The following ARHGAP24 variants were observed in gnomAD, a reference collection of about 807,000 sequenced individuals.
ARHGAP24 encodes Rho GTPase activating protein 24.
In ARHGAP24, 50 loss-of-function variants were observed where a neutral mutation model predicts 76.4. That is an observed-to-expected ratio of 0.65 (90% CI 0.52 to 0.83). The LOEUF is 0.83. ARHGAP24 is among the 40% of genes least tolerant of loss of function. The pLI, the probability that ARHGAP24 is intolerant of heterozygous loss-of-function variation, is 0.00. For synonymous variants in ARHGAP24, 345 were observed against 323.3 expected, an observed-to-expected ratio of 1.07 and a Z score of -0.72; for missense variants, 930 against 914.2, an observed-to-expected ratio of 1.02 and a Z score of -0.22.
At chr4:85,723,042 C>A (rs1266586457) in intron 3 of ARHGAP24, among the ~76,000 whole-genome samples, 1 of 152,140 alleles carries the variant, frequency 6.6e-6, no homozygotes, top group East Asian at 1.9e-4. Context: ...TTATTTGTTT[C>A]CCTCCAGGGA....
intron 1 of ARHGAP24, among the ~76,000 whole-genome samples, chr4:85,515,169 G>A (rs1269495025): frequency 6.6e-6 from 1 of 152,078 alleles, no homozygotes; most frequent in African/African-American, 2.4e-5. Flanking sequence ...CTGCATGCAT[G>A]GGCAAAGTAT....
intron 3 of ARHGAP24, among the ~76,000 whole-genome samples, chr4:85,740,283 G>A (rs1366880355): frequency 9.9e-5 from 15 of 150,934 alleles, no homozygotes; most frequent in Admixed American, 9.2e-4. Context: ...GCTGGAGTGC[G>A]GTGATCTCGG....
At chr4:85,731,537 G>A (rs930289796) in intron 3 of ARHGAP24, among the ~76,000 whole-genome samples, 15 of 152,198 alleles carry the variant, frequency 9.9e-5, no homozygotes, top group African/African-American at 3.4e-4. Context: ...CTAGGTCTGA[G>A]TTATTTAACT....
chr4:85,886,891 A>C (rs977528601), intron 3 of ARHGAP24, among the ~76,000 whole-genome samples: 1 of 152,122 alleles, frequency 6.6e-6, no homozygotes, highest in Non-Finnish European at 1.5e-5. Flanking sequence ...TATGCATAGA[A>C]TTTCTTGTTG....
chr4:85,543,335 C>G (rs918089345), intron 1 of ARHGAP24, among the ~76,000 whole-genome samples: 5 of 152,134 alleles, frequency 3.3e-5, no homozygotes, highest in African/African-American at 1.2e-4. Flanking sequence ...AGCTCTAAAA[C>G]TGGGAAGAAC....
At chr4:85,809,947 C>A (rs1210357330) in intron 3 of ARHGAP24, among the ~76,000 whole-genome samples, 2 of 152,186 alleles carry the variant, frequency 1.3e-5, no homozygotes, top group Non-Finnish European at 2.9e-5. Context: ...ACCTACCCAG[C>A]ATGTAATTGA....
intron 3 of ARHGAP24, among the ~76,000 whole-genome samples, chr4:85,786,971 C>G (rs1246045273): frequency 1.3e-5 from 2 of 152,172 alleles, no homozygotes; most frequent in African/African-American, 2.4e-5. Context: ...TCTTACTAAC[C>G]AGTCCATTCA....
intron 3 of ARHGAP24, among the ~76,000 whole-genome samples, chr4:85,728,139 A>T (rs1470757091): frequency 6.6e-6 from 1 of 150,818 alleles, no homozygotes; most frequent in Non-Finnish European, 1.5e-5. Context: ...TTCCATTCTA[A>T]TTATTTTTTC....
intron 3 of ARHGAP24, among the ~76,000 whole-genome samples, chr4:85,832,193 G>A (rs1230752836): frequency 6.6e-6 from 1 of 152,182 alleles, no homozygotes; most frequent in Non-Finnish European, 1.5e-5. Context: ...AAGGCAGGGT[G>A]AGAAGGCTTG....
intron 1 of ARHGAP24, among the ~76,000 whole-genome samples, chr4:85,497,576 A>G (rs992391394): frequency 9.2e-5 from 14 of 152,060 alleles, no homozygotes; most frequent in African/African-American, 3.4e-4. Flanking sequence ...AATTCCAGCA[A>G]TTTGGGAGGC....
intron 3 of ARHGAP24, among the ~76,000 whole-genome samples, chr4:85,908,445 G>T (rs751968980): frequency 6.6e-6 from 1 of 152,130 alleles, no homozygotes; most frequent in Non-Finnish European, 1.5e-5. Context: ...TAAACTAGTT[G>T]TAAGTTATTA....
intron 1 of ARHGAP24, among the ~76,000 whole-genome samples, chr4:85,509,331 A>C (rs1724188808): frequency 6.6e-6 from 1 of 151,932 alleles, no homozygotes; most frequent in Non-Finnish European, 1.5e-5. Context: ...TGTACCCTAA[A>C]ACTTAAAGTA....
intron 2 of ARHGAP24, among the ~76,000 whole-genome samples, chr4:85,644,436 A>G (rs902091361): frequency 6.6e-6 from 1 of 152,172 alleles, no homozygotes; most frequent in East Asian, 1.9e-4. Flanking sequence ...GTAATACCAT[A>G]TTACATCTAA....
At chr4:85,969,244 T>C (rs1738816589) in intron 5 of ARHGAP24, among the ~76,000 whole-genome samples, 1 of 152,146 alleles carries the variant, frequency 6.6e-6, no homozygotes, top group Admixed American at 6.6e-5. Flanking sequence ...AGCAAAACAG[T>C]AAAGTGCTAA....
Position 86,001,756 on chromosome 4 carries a change from G to T in ARHGAP24, c.*1034G>T, listed in dbSNP as rs896435900. 1 of 239,694 alleles carries T rather than the reference G, an allele frequency of 4.2e-6. No individual in the cohort carries two copies. Among genetic ancestry groups the T allele is most frequent in the Admixed American group, 5.6e-5 (1 of 17,936 alleles). 14.8% of individuals were successfully genotyped at this position (239,694 alleles called of 1,614,324 possible). A position where few individuals can be genotyped will look rare whatever the true frequency, so the allele number is the denominator to read the frequency against. On this transcript the variant is annotated 3_prime_UTR_variant, in exon 10 of 10. Coordinates refer to ENST00000395184, the MANE Select transcript of ARHGAP24 (RefSeq NM_001025616.3). ...AAACTGCTAGAGTATATGTCACGTA[G>T]TGACATTTTTTTCTCACTCAGGCTA... is the stretch of plus-strand genomic sequence containing the variant.
At chr4:85,988,065 A>G (rs1035022553) in intron 8 of ARHGAP24, among the ~76,000 whole-genome samples, 8 of 151,922 alleles carry the variant, frequency 5.3e-5, no homozygotes, top group Non-Finnish European at 1.0e-4. Context: ...TTCTATGTCC[A>G]GTGAATATAT....
At chr4:85,979,174 G>T (rs1358565778) in intron 8 of ARHGAP24, among the ~76,000 whole-genome samples, 3 of 152,074 alleles carry the variant, frequency 2.0e-5, no homozygotes, top group Admixed American at 1.3e-4. Context: ...CGTGACCTTT[G>T]ATTGTGTTGT....
intron 1 of ARHGAP24, among the ~76,000 whole-genome samples, chr4:85,550,406 T>C (rs1010354100): frequency 2.6e-5 from 4 of 152,206 alleles, no homozygotes; most frequent in Non-Finnish European, 5.9e-5. Context: ...TTGGTCTATG[T>C]ATCTGTTTTT....
chr4:85,641,640 A>G (rs1721526136), intron 2 of ARHGAP24, among the ~76,000 whole-genome samples: 2 of 152,242 alleles, frequency 1.3e-5, no homozygotes, highest in Non-Finnish European at 2.9e-5. Flanking sequence ...ATTGGTTTCA[A>G]GCTGGGGTTC....
Sources: allele counts gnomAD v4.1 joint callset (sites outside exome capture counted in the v4.1 genomes callset), GRCh38; gene constraint gnomAD v4.1.1; transcripts MANE v1.5; gene names NCBI Gene and HGNC (gene_info 2026-07-23, HGNC 2026-07-21).